The following FHIT variants were observed in gnomAD, a reference collection of about 807,000 sequenced individuals.
FHIT encodes bis(5'-adenosyl)-triphosphatase.
A neutral mutation model predicts 17.9 loss-of-function variants in FHIT; 19 were observed. The ratio of observed to expected loss-of-function variants is 1.06; its 90% confidence interval spans 0.74 to 1.56. The LOEUF (loss-of-function observed/expected upper bound fraction) is 1.56, where lower values mean the gene tolerates loss of function less well. FHIT is among the 40% of genes most tolerant of loss of function. FHIT has a pLI of 0.00. For synonymous variants in FHIT, 81 were observed against 69.7 expected (o/e 1.16, Z -0.81); for missense variants, 248 against 189.2 (o/e 1.31, Z -1.82).
At chr3:60,374,474 A>G (rs6795869) in intron 5 of FHIT, among the ~76,000 whole-genome samples, 20,242 of 151,292 alleles carry the variant, frequency 0.13, 1,947 homozygotes, top group East Asian at 0.26. Flanking sequence ...TATCACTTGG[A>G]AAAAAAACAC....
chr3:61,167,128 T>C (rs1025345837), intron 2 of FHIT: 1 of 152,106 alleles, frequency 6.6e-6, no homozygotes, highest in African/African-American at 2.4e-5. Context: ...GTTGACAGAA[T>C]GGGTGATTTA....
At chr3:60,114,699 T>G (rs6446111) in intron 5 of FHIT, among the ~76,000 whole-genome samples, 75,137 of 151,236 alleles carry the variant, frequency 0.5, 19,254 homozygotes, top group African/African-American at 0.59. Context: ...TCACCGTCTT[T>G]GCCAGGCTGG....
chr3:59,956,674 A>G (rs1019496301), intron 7 of FHIT, among the ~76,000 whole-genome samples: 5 of 152,194 alleles, frequency 3.3e-5, no homozygotes, highest in African/African-American at 9.7e-5. Context: ...CCAAAAATAA[A>G]AAAAAGACAA....
intron 5 of FHIT, among the ~76,000 whole-genome samples, chr3:60,065,579 C>T (rs1702465249): frequency 6.6e-6 from 1 of 152,254 alleles, no homozygotes; most frequent in East Asian, 1.9e-4. Context: ...ATAGACTACC[C>T]CTAGGCAAGC....
At chr3:61,192,889 G>A (rs1418576721) in intron 2 of FHIT, among the ~76,000 whole-genome samples, 3 of 152,236 alleles carry the variant, frequency 2.0e-5, no homozygotes, top group Non-Finnish European at 2.9e-5. Context: ...CCTTGTCTCA[G>A]TGTTGAATTA....
chr3:59,761,653 C>A (rs918296939), intron 8 of FHIT, among the ~76,000 whole-genome samples: 1 of 151,580 alleles, frequency 6.6e-6, no homozygotes, highest in African/African-American at 2.4e-5. Context: ...GTTGCCCAGG[C>A]TGGAGTGCAG....
chr3:61,005,176 T>G (rs1240855341), intron 3 of FHIT, among the ~76,000 whole-genome samples: 1 of 152,262 alleles, frequency 6.6e-6, no homozygotes, highest in Admixed American at 6.5e-5. Context: ...ATGTTGCCTA[T>G]AATTATTGCT....
intron 5 of FHIT, among the ~76,000 whole-genome samples, chr3:60,234,765 T>TC (rs1361298202): frequency 5.3e-5 from 8 of 152,178 alleles, no homozygotes; most frequent in African/African-American, 9.6e-5. Context: ...GAGTTTACAT[T>TC]CCCCAGCCTT....
chr3:60,214,145 CTTAT>C (rs1045819962), intron 5 of FHIT, among the ~76,000 whole-genome samples: 32 of 152,110 alleles, frequency 2.1e-4, no homozygotes, highest in African/African-American at 7.7e-4. Context: ...CATCCTCTTT[CTTAT>C]TTGAGAGTTT....
At chr3:60,563,177 G>A (rs796893439) in intron 4 of FHIT, among the ~76,000 whole-genome samples, 12 of 152,268 alleles carry the variant, frequency 7.9e-5, no homozygotes, top group Non-Finnish European at 1.0e-4. Flanking sequence ...AGGCGAGCCC[G>A]ATGGGAAGCG....
intron 1 of FHIT, among the ~76,000 whole-genome samples, chr3:61,238,110 T>C (rs531105151): frequency 9.9e-5 from 15 of 152,150 alleles, no homozygotes; most frequent in Non-Finnish European, 2.1e-4. Context: ...CCTGCCCTCA[T>C]AGTGCTATCT....
At chr3:60,551,877 TAC>T (rs1435493687) in intron 4 of FHIT, among the ~76,000 whole-genome samples, 5 of 151,940 alleles carry the variant, frequency 3.3e-5, no homozygotes, top group African/African-American at 9.7e-5. Flanking sequence ...CCTTCTAGTG[TAC>T]AGTTTGATGG....
At chr3:60,824,238 C>T (rs1428330825) in intron 3 of FHIT, among the ~76,000 whole-genome samples, 1 of 152,152 alleles carries the variant, frequency 6.6e-6, no homozygotes, top group African/African-American at 2.4e-5. Context: ...AGGTAGCACA[C>T]AGGAGAGTGA....
intron 4 of FHIT, among the ~76,000 whole-genome samples, chr3:60,799,715 T>C (rs1338670434): frequency 3.3e-5 from 5 of 152,210 alleles, no homozygotes; most frequent in Non-Finnish European, 5.9e-5. Flanking sequence ...TGCTTAAACA[T>C]TTTCGCCTCC....
intron 1 of FHIT, among the ~76,000 whole-genome samples, chr3:61,202,989 G>C (rs2039077002): frequency 1.3e-5 from 2 of 151,932 alleles, no homozygotes. Flanking sequence ...GACCATCCTG[G>C]CTAATATGGT....
At chr3:60,723,523 A>T (rs2041854593) in intron 4 of FHIT, among the ~76,000 whole-genome samples, 1 of 152,162 alleles carries the variant, frequency 6.6e-6, no homozygotes, top group Admixed American at 6.5e-5. Flanking sequence ...TTGGGCACTG[A>T]GTCTCTAATG....
chr3:60,772,036 G>C (rs1400973505), intron 4 of FHIT, among the ~76,000 whole-genome samples: 1 of 152,066 alleles, frequency 6.6e-6, no homozygotes, highest in Non-Finnish European at 1.5e-5. Flanking sequence ...GGAAAGAGAA[G>C]AACAAAGGTG....
intron 7 of FHIT, among the ~76,000 whole-genome samples, chr3:59,944,766 GAA>G (rs1240709196): frequency 1.1e-4 from 16 of 152,178 alleles, no homozygotes; most frequent in Admixed American, 3.9e-4. Context: ...TTATAAGTGG[GAA>G]TATGCAGTAT....
At chr3:60,753,512 C>G (rs2042510878) in intron 4 of FHIT, among the ~76,000 whole-genome samples, 1 of 152,238 alleles carries the variant, frequency 6.6e-6, no homozygotes, top group South Asian at 2.1e-4. Flanking sequence ...GCGATCCACT[C>G]TCCAATTTCA....
Sources: gnomAD v4.1 joint callset for allele counts (sites outside exome capture counted in the v4.1 genomes callset) on GRCh38, gnomAD v4.1.1 for gene constraint, MANE v1.5 for transcripts, NCBI Gene and HGNC (gene_info 2026-07-23, HGNC 2026-07-21) for gene names.